NRXN1: variants seen among roughly 807,000 people sequenced by gnomAD.
NRXN1 encodes the protein neurexin 1, also known as neurexin-1.
NRXN1 carries 39 observed loss-of-function variants against 150.9 expected under a neutral mutation model. That is an observed-to-expected ratio of 0.26 (90% CI 0.20 to 0.34). The LOEUF (loss-of-function observed/expected upper bound fraction) is 0.34, where lower values mean the gene tolerates loss of function less well. Ranked by LOEUF, NRXN1 falls within the 10% of genes least tolerant of loss-of-function variation. The pLI is 1.00. For synonymous variants in NRXN1, 924 were observed against 757.0 expected (o/e 1.22, Z -3.62); for missense variants, 1,815 against 1,949.9 (o/e 0.93, Z 1.30).
chr2:50,964,695 T>G (rs760708531), intron 2 of NRXN1, among the ~76,000 whole-genome samples: 27 of 151,514 alleles, frequency 1.8e-4, no homozygotes, highest in Non-Finnish European at 3.3e-4. Flanking sequence ...TCTATAGAGA[T>G]TATCATGTGG....
At chr2:50,896,505 T>C (rs1681980075) in intron 5 of NRXN1, among the ~76,000 whole-genome samples, 2 of 151,942 alleles carry the variant, frequency 1.3e-5, no homozygotes, top group South Asian at 2.1e-4. Flanking sequence ...GTAAAAGGGA[T>C]TGGGAGGGTG....
At chr2:50,180,022 T>C (rs2060598934) in intron 18 of NRXN1, among the ~76,000 whole-genome samples, 1 of 152,138 alleles carries the variant, frequency 6.6e-6, no homozygotes, top group African/African-American at 2.4e-5. Flanking sequence ...TTAATTTTAA[T>C]ATTAATTTAT....
In NRXN1 at chr2:50,032,806, G is replaced by C. The variant is rs537737450; in HGVS notation, c.4128+20465C>G. Reference sequence around the variant, plus strand: ...AGGGTGGCTGTCTGCAAGCCGGTAAGAGAGCTGTCATCCAAAATTGAATGG... The same window carrying C: ...AGGGTGGCTGTCTGCAAGCCGGTAACAGAGCTGTCATCCAAAATTGAATGG... On this transcript the variant is annotated intron_variant, in intron 21 of 22. Coordinates refer to ENST00000401669, the MANE Select transcript of NRXN1 (RefSeq NM_001330078.2). 8.6e-4 allele frequency among the ~76,000 whole-genome samples: 131 copies of C among 151,978 alleles called. 1 individual carries two copies. The highest frequency in any genetic ancestry group is 3.1e-3 in the African/African-American group (128 of 41,478).
chr2:50,501,546 G>C (rs977187758), intron 13 of NRXN1, among the ~76,000 whole-genome samples: 7 of 151,948 alleles, frequency 4.6e-5, no homozygotes, highest in Admixed American at 1.3e-4. Context: ...CTAATGATGA[G>C]CAGAATGAAG....
At chr2:50,585,840 T>G (rs988391777) in intron 8 of NRXN1, among the ~76,000 whole-genome samples, 1 of 152,166 alleles carries the variant, frequency 6.6e-6, no homozygotes, top group African/African-American at 2.4e-5. Context: ...ATGAACCCTG[T>G]TCTTTCAGTG....
At position 50,553,002 on chromosome 2, in the gene NRXN1, C is replaced by T. The variant is rs775455910; in HGVS notation, c.1344G>A (p.Val448=). ...TGGCAAGTCGAGATAATTCCAGCCT[C>T]ACATCATTATTTTTATATACAACCT... ...LKEVVYKNND[V]RLELSRLAKQ... Residue 448 remains valine (V), a synonymous_variant, in exon 9 of 23, where the codon GTG becomes GTA. Transcript: ENST00000401669. 2 of 1,610,220 alleles carry T rather than the reference C, an allele frequency of 1.2e-6. No individual in the cohort carries two copies. Among genetic ancestry groups the T allele is most frequent in the African/African-American group, 2.7e-5 (2 of 74,718 alleles).
chr2:50,568,937 T>C (rs1046770131), intron 8 of NRXN1, among the ~76,000 whole-genome samples: 2 of 152,252 alleles, frequency 1.3e-5, no homozygotes, highest in South Asian at 2.1e-4. Context: ...GTAGTATATA[T>C]ACACAATGAA....
chr2:50,793,467 C>T (rs991985235), intron 5 of NRXN1, among the ~76,000 whole-genome samples: 1 of 152,066 alleles, frequency 6.6e-6, no homozygotes, highest in African/African-American at 2.4e-5. Context: ...TTAACCTTCA[C>T]TAAAGGGTTA....
At chr2:50,510,344 G>C (rs926276285) in intron 12 of NRXN1, among the ~76,000 whole-genome samples, 2 of 151,686 alleles carry the variant, frequency 1.3e-5, no homozygotes, top group African/African-American at 4.8e-5. Context: ...AAAATAGCTG[G>C]GTGTAGTGGC....
At chr2:50,758,140 A>C (rs1212365519) in intron 5 of NRXN1, 3 of 151,844 alleles carry the variant, frequency 2.0e-5, no homozygotes, top group African/African-American at 7.2e-5. Flanking sequence ...AGTTTCTCTA[A>C]AATTAAAACA....
At chr2:50,036,497 C>A (rs985878632) in intron 21 of NRXN1, among the ~76,000 whole-genome samples, 1 of 152,154 alleles carries the variant, frequency 6.6e-6, no homozygotes, top group African/African-American at 2.4e-5. Context: ...CAGCTTTTGA[C>A]AAATCTGTAT....
chr2:50,084,598 C>A (rs896391703), intron 19 of NRXN1, among the ~76,000 whole-genome samples: 1 of 152,156 alleles, frequency 6.6e-6, no homozygotes. Flanking sequence ...TCCCTCCACA[C>A]CCCCCGCAGG....
At chr2:50,792,771 G>A (rs1284325207) in intron 5 of NRXN1, among the ~76,000 whole-genome samples, 1 of 151,970 alleles carries the variant, frequency 6.6e-6, no homozygotes, top group Non-Finnish European at 1.5e-5. Flanking sequence ...TAATGAACAT[G>A]TTAGATACTT....
intron 5 of NRXN1, chr2:50,918,075 T>C (rs1276926600): frequency 6.6e-6 from 1 of 151,754 alleles, no homozygotes; most frequent in Non-Finnish European, 1.5e-5. Context: ...CAATTAGTTT[T>C]GAGAAAAATC....
chr2:50,222,260 G>A (rs1274113407), intron 18 of NRXN1, among the ~76,000 whole-genome samples: 1 of 151,952 alleles, frequency 6.6e-6, no homozygotes, highest in Non-Finnish European at 1.5e-5. Flanking sequence ...CAGAATAGGG[G>A]AAAGTTTGTG....
intron 18 of NRXN1, among the ~76,000 whole-genome samples, chr2:50,202,188 G>A (rs1189893397): frequency 6.6e-6 from 1 of 152,152 alleles, no homozygotes. Flanking sequence ...TAGTTACACA[G>A]GAGTGGTGTA....
chr2:50,640,504 A>C (rs1469329618), intron 5 of NRXN1, among the ~76,000 whole-genome samples: 3 of 152,106 alleles, frequency 2.0e-5, no homozygotes, highest in Non-Finnish European at 4.4e-5. Context: ...CCCCTTTCCC[A>C]ATTAATATAT....
At chr2:50,306,212 T>C (rs1244796623) in intron 17 of NRXN1, among the ~76,000 whole-genome samples, 1 of 152,144 alleles carries the variant, frequency 6.6e-6, no homozygotes, top group Non-Finnish European at 1.5e-5. Context: ...TGGTACAAAA[T>C]AAGAAACAAA....
At chr2:50,819,849 T>C (rs534235516) in intron 5 of NRXN1, among the ~76,000 whole-genome samples, 8 of 152,208 alleles carry the variant, frequency 5.3e-5, no homozygotes, top group Admixed American at 6.5e-5. Context: ...TCCCAACATA[T>C]TGGTACTTTA....
Sources: allele counts gnomAD v4.1 joint callset (sites outside exome capture counted in the v4.1 genomes callset), GRCh38; gene constraint gnomAD v4.1.1; transcripts MANE v1.5; gene names NCBI Gene and HGNC (gene_info 2026-07-23, HGNC 2026-07-21).